The following OTUD7A variants were observed in gnomAD, a reference collection of about 807,000 sequenced individuals.
The protein encoded by OTUD7A is OTU domain-containing protein 7A.
OTUD7A carries 12 observed loss-of-function variants against 65.7 expected under a neutral mutation model. The observed-to-expected ratio is 0.18, with a 90% CI of 0.12 to 0.30. OTUD7A has a LOEUF of 0.30. OTUD7A is among the 10% of genes least tolerant of loss of function. The probability of loss-of-function intolerance (pLI) is 1.00; values close to 1 mark genes in which losing one functional copy is unlikely to be tolerated. For synonymous variants in OTUD7A, 641 were observed against 586.3 expected, an observed-to-expected ratio of 1.09 and a Z score of -1.35; for missense variants, 1,148 against 1,304.8, an observed-to-expected ratio of 0.88 and a Z score of 1.85.
intron 5 of OTUD7A, among the ~76,000 whole-genome samples, chr15:31,533,559 G>C (rs1295774784): frequency 6.6e-6 from 1 of 152,138 alleles, no homozygotes; most frequent in African/African-American, 2.4e-5. Context: ...TTTAAGTGCT[G>C]AAAGAAAATA....
chr15:31,754,597 A>C (rs1409948583), intron 1 of OTUD7A, among the ~76,000 whole-genome samples: 1 of 152,118 alleles, frequency 6.6e-6, no homozygotes, highest in Non-Finnish European at 1.5e-5. Flanking sequence ...TTATCCCAGC[A>C]CCATTGTTGA....
Position 31,484,011 on chromosome 15 carries a change from GGCGGCGGCGGCGGCGGCA to G in OTUD7A, c.2067_2084del (p.Ala691_Ala696del), listed in dbSNP as rs1421098126. On this transcript the variant is annotated inframe_deletion, in exon 13 of 13. Transcript: ENST00000307050. This position sits in a 1 kb window ranked among gnomAD's most constrained non-coding sequence, Gnocchi z 4.5. The stretch of plus-strand genomic sequence containing the variant: ...TGCGCGGCGGCCGCTTGGCCGTGGC[GGCGGCGGCGGCGGCGGCA>G]GCGGCGGCCGCAGTAGCGGCGTCGC... 6.1e-6 allele frequency: 5 copies of G among 825,014 alleles called. No homozygotes were observed. Among genetic ancestry groups the G allele is most frequent in the Non-Finnish European group, 7.1e-6 (5 of 704,516 alleles). The allele number at this position is 825,014 out of a possible 1,614,324, so 51.1% of individuals were successfully genotyped here.
At chr15:31,605,370 G>A (rs926769558) in intron 3 of OTUD7A, among the ~76,000 whole-genome samples, 1 of 152,136 alleles carries the variant, frequency 6.6e-6, no homozygotes, top group Non-Finnish European at 1.5e-5. Context: ...GGGTGTGCTG[G>A]GGACAGTGGC....
At chr15:31,548,440 T>A (rs1281617013) in intron 5 of OTUD7A, among the ~76,000 whole-genome samples, 1 of 152,128 alleles carries the variant, frequency 6.6e-6, no homozygotes. Flanking sequence ...GCAGAAAGTA[T>A]CCTGAGGGAA....
chr15:31,840,579 TATA>T (rs1897160606), intron 1 of OTUD7A, among the ~76,000 whole-genome samples: 1 of 152,254 alleles, frequency 6.6e-6, no homozygotes, highest in Non-Finnish European at 1.5e-5. Flanking sequence ...TAATGTTACA[TATA>T]GCATGAAGTT....
chr15:31,622,051 G>A (rs572344455), intron 3 of OTUD7A, among the ~76,000 whole-genome samples: 33 of 152,124 alleles, frequency 2.2e-4, no homozygotes, highest in Non-Finnish European at 4.6e-4. Flanking sequence ...ATGAAATTCT[G>A]GGTTGAAAAT....
intron 10 of OTUD7A, among the ~76,000 whole-genome samples, chr15:31,495,999 G>A (rs1426779804): frequency 6.6e-6 from 1 of 150,560 alleles, no homozygotes; most frequent in Non-Finnish European, 1.5e-5. Context: ...CTGGGAGGTG[G>A]AGGTTGCAAT....
intron 2 of OTUD7A, among the ~76,000 whole-genome samples, chr15:31,655,889 T>C (rs2141278749): frequency 6.6e-6 from 1 of 152,340 alleles, no homozygotes; most frequent in Non-Finnish European, 1.5e-5. Context: ...TATAGACTTG[T>C]AATACTTCCA....
chr15:31,742,379 T>G (rs1264265083), intron 1 of OTUD7A, among the ~76,000 whole-genome samples: 1 of 152,080 alleles, frequency 6.6e-6, no homozygotes, highest in Non-Finnish European at 1.5e-5. Context: ...ATTTGCCACA[T>G]CAACAGATTA....
intron 3 of OTUD7A, among the ~76,000 whole-genome samples, chr15:31,602,943 G>C (rs1158457191): frequency 6.6e-6 from 1 of 152,004 alleles, no homozygotes; most frequent in Non-Finnish European, 1.5e-5. Context: ...TAATAAGAGA[G>C]GACACAAATA....
intron 3 of OTUD7A, among the ~76,000 whole-genome samples, chr15:31,633,236 A>G (rs7165209): frequency 0.33 from 50,694 of 152,030 alleles, 11,233 homozygotes; most frequent in African/African-American, 0.63. Flanking sequence ...GCTGTAGACC[A>G]GAGCTGTTCG....
At chr15:31,558,662 C>G (rs1888579165) in intron 5 of OTUD7A, 1 of 416,502 alleles carries the variant, frequency 2.4e-6, no homozygotes. Flanking sequence ...GAGGAGTTGT[C>G]TGGGGAAAGA....
chr15:31,478,399 A>C lies in OTUD7A; in HGVS notation c.*4895T>G, dbSNP rs577921144. The C allele has an allele frequency of 6.6e-6, 1 of 152,378 alleles. No individual in the cohort carries two copies. Among genetic ancestry groups the C allele is most frequent in the East Asian group, 1.9e-4 (1 of 5,188 alleles). The allele number at this position is 152,378 out of a possible 1,614,324, so 9.4% of individuals were successfully genotyped here. ...TTGGGAGGAATAAAAAGATGCAAGC[A>C]ATGTGCATCATTCTGTATGTACATA... is the stretch of plus-strand genomic sequence containing the variant. On this transcript the variant is annotated 3_prime_UTR_variant, in exon 13 of 13. Transcript: ENST00000307050.
chr15:31,860,624 T>TAAATATAC (rs1336445273), intron 1 of OTUD7A, among the ~76,000 whole-genome samples: 607 of 23,314 alleles, frequency 0.026, 40 homozygotes, highest in Middle Eastern at 0.071. Flanking sequence ...GAAGTGGAGA[T>TAAATATAC]ATATATATAT....
chr15:31,552,376 ATT>A (rs2141148492), intron 5 of OTUD7A, among the ~76,000 whole-genome samples: 1 of 152,392 alleles, frequency 6.6e-6, no homozygotes, highest in Non-Finnish European at 1.5e-5. Context: ...CTAATGAATA[ATT>A]GTAATGCTGG....
At chr15:31,490,726 G>C (rs1395829830) in intron 10 of OTUD7A, among the ~76,000 whole-genome samples, 1 of 152,230 alleles carries the variant, frequency 6.6e-6, no homozygotes, top group Non-Finnish European at 1.5e-5. Flanking sequence ...ACATGCACCT[G>C]CAGGCTCCTC....
In OTUD7A at chr15:31,498,599, G is replaced by A. The variant is rs1362650466; in HGVS notation, c.1171+3091C>T. 1.3e-5 allele frequency among the ~76,000 whole-genome samples: 2 copies of A among 152,178 alleles called. No individual in the cohort carries two copies. The highest frequency in any genetic ancestry group is 2.9e-5 in the Non-Finnish European group (2 of 68,032). Reference sequence around the variant, plus strand: ...TGGCCAGTAGGAACTGACCTGAGCTGGGTGCTGAGAGAATGCCCAGATCTG... The same window carrying A: ...TGGCCAGTAGGAACTGACCTGAGCTAGGTGCTGAGAGAATGCCCAGATCTG... On this transcript the variant is annotated intron_variant, in intron 10 of 12. Transcript: ENST00000307050. The surrounding 1 kb of genome is among the most constrained non-coding windows in gnomAD (Gnocchi z 4.2).
chr15:31,868,427 TTCA>T (rs1359122667), intron 1 of OTUD7A, among the ~76,000 whole-genome samples: 1 of 152,216 alleles, frequency 6.6e-6, no homozygotes, highest in Non-Finnish European at 1.5e-5. Flanking sequence ...AGACTCCATT[TTCA>T]AAGAGTTTGC....
chr15:31,670,974 G>A (rs796270656), intron 1 of OTUD7A, among the ~76,000 whole-genome samples: 15 of 150,940 alleles, frequency 9.9e-5, no homozygotes, highest in African/African-American at 3.4e-4. Context: ...CAGCCTGGGG[G>A]ACAAAGCGAG....
Sources: gnomAD v4.1 joint callset for allele counts (sites outside exome capture counted in the v4.1 genomes callset) on GRCh38, gnomAD v4.1.1 for gene constraint, Gnocchi (gnomAD v3.1) non-coding constraint, MANE v1.5 for transcripts, NCBI Gene and HGNC (gene_info 2026-07-23, HGNC 2026-07-21) for gene names.